The following C6 variants were observed in gnomAD, a reference collection of about 807,000 sequenced individuals.
C6 encodes the protein complement component C6.
Under a neutral mutation model 112.9 loss-of-function variants are expected in C6, and 101 were observed. The observed-to-expected ratio is 0.89, with a 90% CI of 0.76 to 1.06. The LOEUF (loss-of-function observed/expected upper bound fraction) is 1.06, where lower values mean the gene tolerates loss of function less well. Among genes scored for constraint, C6 ranks in the 50% least tolerant of loss-of-function variants. C6 has a pLI of 0.00. For missense variants in C6, 1,202 were observed against 1,104.6 expected (o/e 1.09, Z -1.25); for synonymous variants, 431 against 384.1 (o/e 1.12, Z -1.43).
chr5:41,239,494 A>G (rs1337439278), intron 1 of C6, among the ~76,000 whole-genome samples: 1 of 152,000 alleles, frequency 6.6e-6, no homozygotes, highest in Admixed American at 6.6e-5. Context: ...ATTGTTGTTA[A>G]CTATAGTCAC....
intron 17 of C6, among the ~76,000 whole-genome samples, chr5:41,147,649 A>G (rs754192293): frequency 1.3e-4 from 20 of 152,230 alleles, no homozygotes; most frequent in Non-Finnish European, 2.8e-4. Flanking sequence ...GGTTTCAGCA[A>G]AGATTCCTTT....
chr5:41,160,576 C>T (rs1207281622), intron 10 of C6, among the ~76,000 whole-genome samples: 1 of 152,154 alleles, frequency 6.6e-6, no homozygotes, highest in Non-Finnish European at 1.5e-5. Context: ...CTTACCTTCC[C>T]TACAATTTTA....
chr5:41,152,197 A>G (rs560151065), intron 15 of C6, among the ~76,000 whole-genome samples: 3 of 152,302 alleles, frequency 2.0e-5, no homozygotes, highest in East Asian at 3.9e-4. Context: ...AAAGACTCCA[A>G]CTGGGAAGAT....
At chr5:41,214,155 A>C (rs1218804379), upstream of C6, among the ~76,000 whole-genome samples, 1 of 152,182 alleles carries the variant, frequency 6.6e-6, no homozygotes, top group Non-Finnish European at 1.5e-5. Context: ...AGGGACTGAG[A>C]ATGTGGATAC....
chr5:41,240,145 C>G (rs1239801259), intron 1 of C6, among the ~76,000 whole-genome samples: 2 of 152,084 alleles, frequency 1.3e-5, no homozygotes, highest in Non-Finnish European at 2.9e-5. Context: ...AGGTTTTTAG[C>G]TATTATTTTG....
At chr5:41,235,077 G>GT (rs11437301) in intron 1 of C6, among the ~76,000 whole-genome samples, 57,037 of 132,442 alleles carry the variant, frequency 0.43, 12,447 homozygotes, top group Non-Finnish European at 0.5. Context: ...TTTTTTTAAT[G>GT]TTTTTTTTTT....
At chr5:41,234,684 T>A (rs1740143168) in intron 1 of C6, among the ~76,000 whole-genome samples, 1 of 152,148 alleles carries the variant, frequency 6.6e-6, no homozygotes, top group African/African-American at 2.4e-5. Context: ...CAGAAAACCC[T>A]CTGCCTTGAG....
At chr5:41,167,652 C>G (rs1368832503) in intron 9 of C6, among the ~76,000 whole-genome samples, 1 of 152,068 alleles carries the variant, frequency 6.6e-6, no homozygotes, top group Non-Finnish European at 1.5e-5. Context: ...AAAATAAACT[C>G]ATACTAACTT....
chr5:41,229,825 T>A lies in C6; in HGVS notation c.-20-26575A>T, dbSNP rs1293277511. ...TTGCAGTTTATTCTTTCAGTTCTGT[T>A]AATATTTGCTTGATATATTTTGGTG... On this transcript the variant is annotated intron_variant, in intron 1 of 17. Transcript: ENST00000263413. 2.6e-5 allele frequency among the ~76,000 whole-genome samples: 4 copies of A among 152,200 alleles called. No homozygotes were observed. The East Asian group carries it at 7.7e-4, about 29-fold the overall frequency.
intron 1 of C6, among the ~76,000 whole-genome samples, chr5:41,231,398 T>C (rs1354312095): frequency 1.3e-5 from 2 of 152,182 alleles, no homozygotes; most frequent in Admixed American, 6.6e-5. Context: ...ACAGAATTCA[T>C]CTTAACAGTT....
intron 1 of C6, among the ~76,000 whole-genome samples, chr5:41,222,284 A>G (rs1739222013): frequency 6.6e-6 from 1 of 152,074 alleles, no homozygotes; most frequent in African/African-American, 2.4e-5. Flanking sequence ...TCATAATTAT[A>G]TAAGTAAATA....
In C6 at chr5:41,160,284, A is replaced by G; in HGVS notation, c.1542T>C (p.Tyr514=). Residue 514 remains tyrosine, a synonymous_variant, in exon 11 of 18, where the codon TAT becomes TAC. Transcript: ENST00000337836. ...ACTGGCAAGGATCGAACTTGGCTGC[A>G]TACTCTTGCAAAGCTTTCCTGAGGT... ...RNNLRKALQE[Y]AAKFDPCQCA... 1 of 1,613,856 alleles carries G rather than the reference A, an allele frequency of 6.2e-7. No individual in the cohort carries two copies. The highest frequency in any genetic ancestry group is 8.5e-7 in the Non-Finnish European group (1 of 1,179,838).
intron 13 of C6, among the ~76,000 whole-genome samples, chr5:41,157,069 G>A (rs1381919942): frequency 2.6e-5 from 4 of 152,054 alleles, no homozygotes; most frequent in Non-Finnish European, 5.9e-5. Flanking sequence ...ATCTATACAA[G>A]GGGCATTTTG....
intron 9 of C6, among the ~76,000 whole-genome samples, chr5:41,167,679 A>G (rs1404009852): frequency 6.6e-6 from 1 of 152,184 alleles, no homozygotes; most frequent in African/African-American, 2.4e-5. Flanking sequence ...ACATAGCTGA[A>G]TAGGATCAAG....
chr5:41,181,526 A>T lies in C6; in HGVS notation c.760T>A (p.Phe254Ile). The change falls in exon 7 of 18, where the codon TTC (phenylalanine) becomes ATC (isoleucine). Residue 254 changes from phenylalanine to isoleucine, a missense_variant. Transcript: ENST00000337836. ...QTAEDDLKTD[F>I]YKDLTSLGHN... ...CCAAGAGAAGTTAAATCCTTGTAGA[A>T]ATCTGTTTTCAAGTCATCTTCTGCA... The T allele has an allele frequency of 3.1e-6, 5 of 1,613,606 alleles. No homozygotes were observed. Among genetic ancestry groups the T allele is most frequent in the Non-Finnish European group, 4.2e-6 (5 of 1,179,752 alleles).
In C6 at chr5:41,149,459, A is replaced by G. The variant is rs1271550501; in HGVS notation, c.2405T>C (p.Val802Ala). ...GTAATCGTTGGAGTCTGTGTCAAAC[A>G]CACAGAGATCTTCTGAATGATGGCT... ...DCSHHSEDLCVFDTDSNDYFT... is the reference protein window; with the variant it reads ...DCSHHSEDLCAFDTDSNDYFT... Residue 802 changes from valine (V) to alanine (A), a missense_variant, in exon 17 of 18, where the codon GTG becomes GCG. By Grantham distance (64) the Val-to-Ala change is moderately conservative. Transcript: ENST00000337836. 2 of 1,614,060 alleles carry G rather than the reference A, an allele frequency of 1.2e-6. No homozygotes were observed. The highest frequency in any genetic ancestry group is 1.7e-5 in the Admixed American group (1 of 60,004).
chr5:41,218,020 A>G (rs1051594940), upstream of C6, among the ~76,000 whole-genome samples: 1 of 152,164 alleles, frequency 6.6e-6, no homozygotes, highest in African/African-American at 2.4e-5. Context: ...AAAGTGCCAT[A>G]GGAGGAACAG....
Position 41,161,855 on chromosome 5 carries a change from T to A in C6, c.1296A>T (p.Ser432=). Residue 432 remains serine, a synonymous_variant, in exon 10 of 18, where the codon TCA becomes TCT. Transcript: ENST00000337836. ...TNKLSEKHEG[S]FIQGAEKSIS... ...TGGATTTCTCTGCTCCCTGTATAAATGAACCTGCAAGGTGTTTCAATAAAA... is the reference window on the plus strand; with the variant it reads ...TGGATTTCTCTGCTCCCTGTATAAAAGAACCTGCAAGGTGTTTCAATAAAA... 6.2e-7 allele frequency: 1 copy of A among 1,613,448 alleles called. No homozygotes were observed. The highest frequency in any genetic ancestry group is 8.5e-7 in the Non-Finnish European group (1 of 1,179,562).
chr5:41,230,902 T>A (rs1014117315), intron 1 of C6, among the ~76,000 whole-genome samples: 8 of 152,186 alleles, frequency 5.3e-5, no homozygotes, highest in African/African-American at 1.9e-4. Flanking sequence ...GGGGGCTGGT[T>A]CCCCTAATAT....
Sources: allele counts gnomAD v4.1 joint callset (sites outside exome capture counted in the v4.1 genomes callset), GRCh38; gene constraint gnomAD v4.1.1; transcripts MANE v1.5; gene names NCBI Gene and HGNC (gene_info 2026-07-23, HGNC 2026-07-21).